Variants in MYH15 observed in about 807,000 individuals in gnomAD.
MYH15 encodes the protein myosin-15.
MYH15 carries 227 observed loss-of-function variants against 240.5 expected under a neutral mutation model. The ratio of observed to expected loss-of-function variants is 0.94; its 90% CI spans 0.85 to 1.05. The LOEUF (loss-of-function observed/expected upper bound fraction) is 1.05. Among genes scored for constraint, MYH15 ranks in the 50% least tolerant of loss-of-function variants. MYH15 has a pLI of 0.00. For synonymous variants in MYH15, 785 were observed against 796.7 expected, an observed-to-expected ratio of 0.99 and a Z score of 0.25; for missense variants, 2,217 against 2,247.5, an observed-to-expected ratio of 0.99 and a Z score of 0.27.
At chr3:108,459,999 G>A (rs1426809667) in intron 17 of MYH15, among the ~76,000 whole-genome samples, 1 of 152,182 alleles carries the variant, frequency 6.6e-6, no homozygotes, top group African/African-American at 2.4e-5. Context: ...AAAGTCTGGA[G>A]AGGAGGGCAA....
intron 20 of MYH15, among the ~76,000 whole-genome samples, chr3:108,455,338 G>T (rs1321257090): frequency 6.6e-6 from 1 of 152,170 alleles, no homozygotes; most frequent in African/African-American, 2.4e-5. Context: ...AGAAAAATTA[G>T]TCCCTAAGAG....
chr3:108,504,582 C>G (rs1355236423), intron 2 of MYH15, among the ~76,000 whole-genome samples: 1 of 152,008 alleles, frequency 6.6e-6, no homozygotes, highest in Non-Finnish European at 1.5e-5. Context: ...CAGGATGTGG[C>G]TTGTTATGGA....
chr3:108,518,424 G>A (rs538152168), intron 1 of MYH15, among the ~76,000 whole-genome samples: 3 of 152,212 alleles, frequency 2.0e-5, no homozygotes, highest in South Asian at 2.1e-4. Context: ...TTCTGGGGGC[G>A]TATTGCTGTA....
At chr3:108,391,233 T>C (rs149956675) in intron 37 of MYH15, among the ~76,000 whole-genome samples, 3 of 152,314 alleles carry the variant, frequency 2.0e-5, no homozygotes, top group Non-Finnish European at 2.9e-5. Context: ...TCAATAATTT[T>C]ACAAATCTTA....
At chr3:108,522,138 G>A (rs1440263098) in intron 1 of MYH15, among the ~76,000 whole-genome samples, 1 of 152,100 alleles carries the variant, frequency 6.6e-6, no homozygotes, top group African/African-American at 2.4e-5. Flanking sequence ...AATAGACTCG[G>A]AGGGCAGGTG....
the MYH15 span, among the ~76,000 whole-genome samples, chr3:108,544,852 C>T: frequency 6.6e-6 from 1 of 152,062 alleles, no homozygotes; most frequent in East Asian, 1.9e-4. Context: ...GAGCCTACTA[C>T]AAAAATGGTA....
intron 21 of MYH15, among the ~76,000 whole-genome samples, 158 bp downstream of exon 21, chr3:108,453,848 C>T (rs1047435600): frequency 2.0e-5 from 3 of 152,164 alleles, no homozygotes; most frequent in African/African-American, 7.2e-5. Context: ...AAGCCCTTTG[C>T]ACTCTGTCCT....
At chr3:108,510,677 G>T, upstream of MYH15, 1 of 1,306,250 alleles carries the variant, frequency 7.7e-7, no homozygotes, top group Non-Finnish European at 1.1e-6. Context: ...ATAGACTAAA[G>T]AGTGTTAAGT....
chr3:108,389,016 C>T lies in MYH15; in HGVS notation c.5489G>A (p.Arg1830Lys), dbSNP rs768359376. The T allele has an allele frequency of 1.2e-6, 2 of 1,613,858 alleles. No homozygotes were observed. The highest frequency in any genetic ancestry group is 1.7e-6 in the Non-Finnish European group (2 of 1,179,870). ...GEIRRSAEAQ[R>K]GARRLERCIK... Reference sequence around the variant, plus strand: ...GCATCGCTCAAGTCTGCGGGCTCCCCTCTGGGCCTCTGCACTGCGACGGAT... The same window carrying T: ...GCATCGCTCAAGTCTGCGGGCTCCCTTCTGGGCCTCTGCACTGCGACGGAT... The change falls in exon 38 of 41, where the codon AGG becomes AAG. Residue 1830 changes from arginine to lysine, a missense_variant. Physicochemically the swap from Arg to Lys is conservative, Grantham distance 26. Coordinates refer to ENST00000693548, the MANE Select transcript of MYH15 (RefSeq NM_014981.3).
intron 23 of MYH15, 145 bp from the exon 24 acceptor site, chr3:108,440,058 G>T (rs571949413): frequency 3.5e-6 from 2 of 571,628 alleles, no homozygotes; most frequent in Non-Finnish European, 5.6e-6. Context: ...TTCCTGATAC[G>T]CTTTCTAAAG....
intron 27 of MYH15, among the ~76,000 whole-genome samples, chr3:108,422,301 T>C (rs1440599130): frequency 3.3e-5 from 5 of 150,944 alleles, no homozygotes; most frequent in Admixed American, 6.6e-5. Flanking sequence ...CACTGTAACC[T>C]CCACTTCCCA....
At chr3:108,474,636 G>A (rs1028671653) in intron 12 of MYH15, among the ~76,000 whole-genome samples, 1 of 151,964 alleles carries the variant, frequency 6.6e-6, no homozygotes, top group Non-Finnish European at 1.5e-5. Flanking sequence ...CTTTATATTA[G>A]AAACATTCCA....
intron 1 of MYH15, among the ~76,000 whole-genome samples, chr3:108,522,702 T>C (rs1172639114): frequency 1.3e-5 from 2 of 152,116 alleles, no homozygotes; most frequent in East Asian, 3.9e-4. Context: ...AATTGATTAA[T>C]AATTGCTAAA....
chr3:108,470,835 C>A lies in MYH15; in HGVS notation c.1246G>T (p.Val416Phe), dbSNP rs563821846. Reference sequence around the variant, plus strand: ...TACATTGACTTGGACAGGGCACCGACAGCACAGGTTACCTAGAAATCACAT... The same window carrying A: ...TACATTGACTTGGACAGGGCACCGAAAGCACAGGTTACCTAGAAATCACAT... ...GQTIEQVTCA[V>F]GALSKSMYER... The change falls in exon 13 of 41, where the codon GTC (valine) becomes TTC (phenylalanine). Residue 416 changes from valine (V) to phenylalanine (F), a missense_variant. Transcript: ENST00000693548. 7 of 1,613,522 alleles carry A rather than the reference C, an allele frequency of 4.3e-6. No homozygotes were observed. The South Asian group carries it at 7.7e-5, about 18-fold the overall frequency.
chr3:108,405,812 G>A (rs1005664063), intron 32 of MYH15, among the ~76,000 whole-genome samples: 2 of 152,142 alleles, frequency 1.3e-5, no homozygotes, highest in Non-Finnish European at 2.9e-5. Flanking sequence ...AAAAGTATCA[G>A]AGCTAGAACA....
intron 11 of MYH15, among the ~76,000 whole-genome samples, chr3:108,478,834 T>C (rs1293231205): frequency 6.6e-6 from 1 of 152,234 alleles, no homozygotes; most frequent in Non-Finnish European, 1.5e-5. Flanking sequence ...AGTCTATTTT[T>C]ATCCATGAAC....
At chr3:108,458,035 A>C (rs2083037997) in intron 18 of MYH15, among the ~76,000 whole-genome samples, 1 of 150,498 alleles carries the variant, frequency 6.6e-6, no homozygotes, top group African/African-American at 2.4e-5. Flanking sequence ...GCAACAGAGC[A>C]AGACTCTGTC....
Position 108,499,462 on chromosome 3 carries a change from G to T in MYH15, c.517C>A (p.Leu173Ile). The T allele has an allele frequency of 6.2e-7, 1 of 1,613,320 alleles. No individual in the cohort carries two copies. Reference sequence around the variant, plus strand: ...AACAAGGCAAACACTTACGTGAAGAGTATAGACTGATTTTCTCGATCTACA... The same window carrying T: ...AACAAGGCAAACACTTACGTGAAGATTATAGACTGATTTTCTCGATCTACA... ...MLHNRENQSI[L>I]FTGESGAGKT... The change falls in exon 5 of 41, where the codon CTC (leucine) becomes ATC (isoleucine). Residue 173 changes from leucine to isoleucine, a missense_variant. Coordinates refer to ENST00000693548, the MANE Select transcript of MYH15 (RefSeq NM_014981.3).
At chr3:108,443,710 C>G (rs2082902710) in intron 22 of MYH15, among the ~76,000 whole-genome samples, 1 of 151,912 alleles carries the variant, frequency 6.6e-6, no homozygotes, top group African/African-American at 2.4e-5. Flanking sequence ...ATTATATGAT[C>G]TGAGGGTTGC....
Sources: allele counts gnomAD v4.1 joint callset (sites outside exome capture counted in the v4.1 genomes callset), GRCh38; gene constraint gnomAD v4.1.1; transcripts MANE v1.5; gene names NCBI Gene and HGNC (gene_info 2026-07-23, HGNC 2026-07-21).